The following RIN2 variants were observed in gnomAD, a reference collection of about 807,000 sequenced individuals.
RIN2 encodes RAB5 interacting protein 2.
Under a neutral mutation model 78.0 loss-of-function variants are expected in RIN2, and 36 were observed. The observed-to-expected ratio is 0.46, with a 90% CI of 0.35 to 0.61. The LOEUF (loss-of-function observed/expected upper bound fraction) is 0.61. RIN2 is among the 20% of genes least tolerant of loss of function. The pLI, the probability that RIN2 is intolerant of heterozygous loss-of-function variation, is 0.00. For synonymous variants in RIN2, 466 were observed against 466.8 expected (o/e 1.00, Z 0.02); for missense variants, 1,087 against 1,159.7 (o/e 0.94, Z 0.91).
At chr20:19,860,308 TG>T (rs2037292867) in intron 2 of RIN2, among the ~76,000 whole-genome samples, 1 of 151,162 alleles carries the variant, frequency 6.6e-6, no homozygotes, top group Non-Finnish European at 1.5e-5. Context: ...CTTGTTTGTT[TG>T]TTTTTTTGTT....
In RIN2 at chr20:19,965,012, A is replaced by G. The variant is rs2041892048; in HGVS notation, c.524A>G (p.Tyr175Cys). 3 of 1,612,926 alleles carry G rather than the reference A, an allele frequency of 1.9e-6. No individual in the cohort carries two copies. Among genetic ancestry groups the G allele is most frequent in the South Asian group, 1.1e-5 (1 of 91,062 alleles). ...GATTTATTCCGGCTCATTGCTTTCT[A>G]CTGCATCAGCAGGTAAGGCCTCTTC... Reference protein sequence around the residue: ...FADLFRLIAFYCISRDVLPFT... With the variant: ...FADLFRLIAFCCISRDVLPFT... Residue 175 changes from tyrosine to cysteine, a missense_variant, in exon 7 of 13, where the codon TAC becomes TGC. This residue lies in a region of RIN2 where 706 missense variants were observed against 667.5 expected (regional missense o/e 1.06). Transcript: ENST00000255006.
chr20:19,892,295 C>T (rs2038506689), intron 3 of RIN2, among the ~76,000 whole-genome samples: 1 of 152,196 alleles, frequency 6.6e-6, no homozygotes, highest in Admixed American at 6.5e-5. Flanking sequence ...CGGCTCACTG[C>T]AACCTCTGCC....
intron 4 of RIN2, among the ~76,000 whole-genome samples, chr20:19,954,159 A>G (rs1361863010): frequency 1.3e-5 from 2 of 152,212 alleles, no homozygotes; most frequent in Non-Finnish European, 2.9e-5. Flanking sequence ...GGCTTCTTCT[A>G]AATTCAGTCC....
intron 2 of RIN2, among the ~76,000 whole-genome samples, chr20:19,851,048 A>G (rs1188461066): frequency 3.9e-5 from 2 of 51,650 alleles, no homozygotes; most frequent in South Asian, 6.8e-4. Context: ...GAAGGAAGGA[A>G]GGAGAAAGAA....
At position 19,909,035 on chromosome 20, in the gene RIN2, T is replaced by G. The variant is rs189470428; in HGVS notation, c.57+19377T>G. The stretch of plus-strand genomic sequence containing the variant: ...GCCCACCGCCACTCCCAGCTAACTT[T>G]GTATTTTTAGTAGAGACTGGGTTTT... On this transcript the variant is annotated intron_variant, in intron 3 of 12. Coordinates refer to ENST00000255006, the MANE Select transcript of RIN2 (RefSeq NM_018993.4). Among the ~76,000 whole-genome samples, 554 of 152,274 alleles carry G rather than the reference T, an allele frequency of 3.6e-3. 3 individuals carry two copies. Among genetic ancestry groups the G allele is most frequent in the African/African-American group, 0.012 (491 of 41,546 alleles).
intron 6 of RIN2, among the ~76,000 whole-genome samples, chr20:19,963,855 CTTTTTTT>C (rs869033357): frequency 1.2e-5 from 1 of 86,618 alleles, no homozygotes; most frequent in Non-Finnish European, 2.1e-5. Flanking sequence ...CAGTATGTGT[CTTTTTTT>C]TTTTTTTTTT....
At chr20:19,858,124 T>A (rs55976516) in intron 2 of RIN2, among the ~76,000 whole-genome samples, 25 of 127,880 alleles carry the variant, frequency 2.0e-4, no homozygotes, top group South Asian at 4.9e-4. Flanking sequence ...CTGTCTTTTT[T>A]TAAAAAAAAA....
intron 2 of RIN2, among the ~76,000 whole-genome samples, chr20:19,804,940 A>G (rs66851684): frequency 0.11 from 16,141 of 152,148 alleles, 918 homozygotes; most frequent in South Asian, 0.18. Flanking sequence ...CTATTCAGGG[A>G]TTCAACTTCT....
intron 9 of RIN2, among the ~76,000 whole-genome samples, chr20:19,988,212 G>T (rs1407563718): frequency 2.6e-5 from 4 of 152,172 alleles, no homozygotes; most frequent in Admixed American, 2.6e-4. Context: ...TTTGCCTCCA[G>T]GGTTCAAGAG....
chr20:19,776,731 CAA>C (rs778463108), intron 1 of RIN2, among the ~76,000 whole-genome samples: 29 of 116,566 alleles, frequency 2.5e-4, no homozygotes, highest in Admixed American at 5.4e-4. Flanking sequence ...GACCCTGTCT[CAA>C]AAAAAAAAAA....
intron 3 of RIN2, among the ~76,000 whole-genome samples, chr20:19,907,508 G>A (rs572789007): frequency 4.4e-4 from 67 of 152,308 alleles, no homozygotes; most frequent in African/African-American, 1.6e-3. Flanking sequence ...GAGCGAGGAA[G>A]GAAGGAAGTT....
Position 19,877,068 on chromosome 20 carries a change from T to TA in RIN2, c.-36-12497dup, listed in dbSNP as rs1054464984. 1.5e-4 allele frequency among the ~76,000 whole-genome samples: 23 copies of TA among 152,288 alleles called. 1 individual carries two copies. The East Asian group carries it at 3.5e-3, about 23-fold the overall frequency. On this transcript the variant is annotated intron_variant, in intron 2 of 12. Transcript: ENST00000255006. ...CTTTACTGATTTCAGCAAAAGCACTTACAGCCTTCTGGAGGAGAGTAAGAA... is the reference window on the plus strand; with the variant it reads ...CTTTACTGATTTCAGCAAAAGCACTTAACAGCCTTCTGGAGGAGAGTAAGAA...
Position 19,834,968 on chromosome 20 carries a change from A to AG in RIN2, c.-37+35221_-37+35222insG, listed in dbSNP as rs1491342459. On this transcript the variant is annotated intron_variant, in intron 2 of 12. Coordinates refer to ENST00000255006, the MANE Select transcript of RIN2 (RefSeq NM_018993.4). ...AGAAAAGAGAGAGAGAGAGAGAGAG[A>AG]AAGAAAGAAAGGAAGGAAAGAGAGA... Among the ~76,000 whole-genome samples, 783 of 137,554 alleles carry AG rather than the reference A, an allele frequency of 5.7e-3. 7 individuals are homozygous for AG. The highest frequency in any genetic ancestry group is 0.018 in the African/African-American group (706 of 38,686). 90.2% of individuals were successfully genotyped at this position (137,554 alleles called of 152,430 possible). A position where few individuals can be genotyped will look rare whatever the true frequency, so the allele number is the denominator to read the frequency against.
At chr20:19,964,144 G>A (rs1049240000) in intron 6 of RIN2, among the ~76,000 whole-genome samples, 5 of 151,608 alleles carry the variant, frequency 3.3e-5, no homozygotes, top group African/African-American at 9.7e-5. Flanking sequence ...GATTACGGGC[G>A]TGAGCCACCA....
At chr20:19,769,180 G>A (rs1044321979) in intron 1 of RIN2, among the ~76,000 whole-genome samples, 4 of 152,022 alleles carry the variant, frequency 2.6e-5, no homozygotes, top group African/African-American at 7.2e-5. Flanking sequence ...CCTTGGCCAC[G>A]CGCCTTGGCC....
At chr20:19,853,947 C>T (rs894611817) in intron 2 of RIN2, among the ~76,000 whole-genome samples, 16 of 152,192 alleles carry the variant, frequency 1.1e-4, no homozygotes, top group Non-Finnish European at 1.8e-4. Context: ...GTCATGAAGT[C>T]GTTGCCCATG....
At chr20:19,892,962 C>T (rs913202421) in intron 3 of RIN2, among the ~76,000 whole-genome samples, 1 of 152,166 alleles carries the variant, frequency 6.6e-6, no homozygotes, top group Non-Finnish European at 1.5e-5. Context: ...AAGCTCTGTA[C>T]GTGGCCAGGG....
At chr20:19,805,905 C>T (rs1600497899) in intron 2 of RIN2, among the ~76,000 whole-genome samples, 3 of 152,046 alleles carry the variant, frequency 2.0e-5, no homozygotes, top group South Asian at 2.1e-4. Flanking sequence ...GTGTGATGCT[C>T]CCCTATCCTG....
intron 3 of RIN2, among the ~76,000 whole-genome samples, chr20:19,933,466 A>G (rs1348927924): frequency 6.6e-6 from 1 of 152,072 alleles, no homozygotes; most frequent in Non-Finnish European, 1.5e-5. Context: ...TGTTGCTCCC[A>G]CAGCATTACC....
Sources: gnomAD v4.1 joint callset for allele counts (sites outside exome capture counted in the v4.1 genomes callset) on GRCh38, gnomAD v4.1.1 for gene constraint, gnomAD v4.1.1 regional missense constraint, MANE v1.5 for transcripts, NCBI Gene and HGNC (gene_info 2026-07-23, HGNC 2026-07-21) for gene names.